The following WDR49 variants were observed in gnomAD, a reference collection of about 807,000 sequenced individuals.
WDR49 encodes WD repeat domain 49, also known as cilia- and flagella-associated protein 337.
In WDR49, 107 loss-of-function variants were observed where a neutral mutation model predicts 119.5. That is an observed-to-expected ratio of 0.90 (90% CI 0.77 to 1.05). The LOEUF (loss-of-function observed/expected upper bound fraction) is 1.05. Ranked by LOEUF, WDR49 falls within the 50% of genes least tolerant of loss-of-function variation. The pLI is 0.00. For synonymous variants in WDR49, 425 were observed against 418.8 expected, an observed-to-expected ratio of 1.01 and a Z score of -0.18; for missense variants, 1,240 against 1,220.5, an observed-to-expected ratio of 1.02 and a Z score of -0.24.
At chr3:167,494,882 A>G (rs1424212826) in intron 18 of WDR49, among the ~76,000 whole-genome samples, 2 of 152,132 alleles carry the variant, frequency 1.3e-5, no homozygotes, top group Non-Finnish European at 2.9e-5. Context: ...ACAATACCCC[A>G]CTAAAAGGAG....
intron 10 of WDR49, among the ~76,000 whole-genome samples, chr3:167,548,458 T>C (rs1227879882): frequency 1.3e-5 from 2 of 152,026 alleles, no homozygotes; most frequent in Non-Finnish European, 2.9e-5. Flanking sequence ...GTAATCACTA[T>C]ATGAGTGGAT....
intron 11 of WDR49, among the ~76,000 whole-genome samples, chr3:167,534,904 T>C (rs62277767): frequency 0.24 from 36,650 of 152,142 alleles, 4,648 homozygotes; most frequent in South Asian, 0.3. Context: ...GTTCACATTA[T>C]GAAACATCTA....
At chr3:167,491,662 G>A (rs1042353420) in intron 18 of WDR49, among the ~76,000 whole-genome samples, 1 of 152,106 alleles carries the variant, frequency 6.6e-6, no homozygotes, top group African/African-American at 2.4e-5. Context: ...TCTCCACACT[G>A]TTTCAAGTTT....
chr3:167,524,941 A>G lies in WDR49; in HGVS notation c.2605-2457T>C, dbSNP rs568482594. On this transcript the variant is annotated intron_variant, in intron 15 of 18. Transcript: ENST00000682715. ...AAAGTAGTTTTTTCCAGTTCTGTGA[A>G]GAAAGCCAATGGTAGCTTGATGGGA... Among the ~76,000 whole-genome samples the G allele has an allele frequency of 5.9e-5, 9 of 152,328 alleles. 1 individual carries two copies. In the South Asian group the frequency reaches 1.9e-3, roughly 32 times the overall value.
At chr3:167,563,360 AAAAAAAAAAAAAAAAAAG>A (rs1280887632) in intron 8 of WDR49, among the ~76,000 whole-genome samples, 1 of 145,756 alleles carries the variant, frequency 6.9e-6, no homozygotes, top group Admixed American at 6.9e-5. Flanking sequence ...AATCAAAAAA[AAAAAAAAAAAAAAAAAAG>A]AAAGAAACCT....
chr3:167,494,195 T>TTC (rs781051613), intron 18 of WDR49, among the ~76,000 whole-genome samples: 1 of 152,102 alleles, frequency 6.6e-6, no homozygotes, highest in Non-Finnish European at 1.5e-5. Flanking sequence ...TGAGACTGAA[T>TTC]AGGGTGAATA....
chr3:167,550,200 C>T (rs2108262107), intron 10 of WDR49, among the ~76,000 whole-genome samples: 1 of 152,088 alleles, frequency 6.6e-6, no homozygotes, highest in South Asian at 2.1e-4. Context: ...TCCATATGAA[C>T]TTTAAAGTAG....
At chr3:167,641,562 C>T (rs1294716311) in intron 2 of WDR49, among the ~76,000 whole-genome samples, 3 of 151,920 alleles carry the variant, frequency 2.0e-5, no homozygotes, top group Non-Finnish European at 4.4e-5. Flanking sequence ...TTTATCTAGA[C>T]CTCTCTTCTG....
chr3:167,563,233 A>T (rs1409346206), intron 8 of WDR49, among the ~76,000 whole-genome samples: 2 of 151,912 alleles, frequency 1.3e-5, no homozygotes, highest in East Asian at 1.9e-4. Context: ...GGGTGCCTGT[A>T]GTCCCAGCTA....
intron 2 of WDR49, among the ~76,000 whole-genome samples, chr3:167,631,586 C>T (rs1382526585): frequency 1.3e-5 from 2 of 152,080 alleles, no homozygotes; most frequent in Admixed American, 6.6e-5. Flanking sequence ...TTTAGCTTCA[C>T]GTTGATGGGC....
At chr3:167,600,909 G>C (rs1715738804) in intron 7 of WDR49, among the ~76,000 whole-genome samples, 1 of 152,046 alleles carries the variant, frequency 6.6e-6, no homozygotes, top group Non-Finnish European at 1.5e-5. Context: ...AGTGAAGTGG[G>C]GCTAGTAGAT....
intron 10 of WDR49, among the ~76,000 whole-genome samples, chr3:167,544,646 A>C (rs1053185193): frequency 6.6e-6 from 1 of 152,228 alleles, no homozygotes; most frequent in East Asian, 1.9e-4. Context: ...AGCCACATGT[A>C]GAATGAAGCT....
intron 5 of WDR49, among the ~76,000 whole-genome samples, chr3:167,609,361 C>T (rs1242214986): frequency 3.3e-5 from 5 of 152,112 alleles, no homozygotes; most frequent in East Asian, 1.9e-4. Context: ...CCAGCAACTG[C>T]GTGGTGCTGA....
chr3:167,485,201 G>A (rs1012630233), intron 18 of WDR49, among the ~76,000 whole-genome samples: 3 of 151,960 alleles, frequency 2.0e-5, no homozygotes, highest in Non-Finnish European at 4.4e-5. Context: ...TGGGTGGTTG[G>A]GGGGAAGGGG....
At chr3:167,607,795 ATCACT>A (rs1560310795) in intron 5 of WDR49, among the ~76,000 whole-genome samples, 1 of 152,000 alleles carries the variant, frequency 6.6e-6, no homozygotes, top group South Asian at 2.1e-4. Flanking sequence ...CCCTTTCCTG[ATCACT>A]TCACTTTTCT....
In WDR49 at chr3:167,559,536, G is replaced by GT. The variant is rs1254073872; in HGVS notation, c.1674+527dup. ...AAGAAACTTAGAAATATAAAATCAT[G>GT]TAAGTTTAGAATGGATAAGATTATG... On this transcript the variant is annotated intron_variant, in intron 9 of 18. Coordinates refer to ENST00000682715, the MANE Select transcript of WDR49 (RefSeq NM_001366157.1). Among the ~76,000 whole-genome samples, 4 of 152,188 alleles carry GT rather than the reference G, an allele frequency of 2.6e-5. No homozygotes were observed. In the East Asian group the frequency reaches 7.7e-4, roughly 29 times the overall value.
chr3:167,641,338 C>G (rs1160946117), intron 2 of WDR49, among the ~76,000 whole-genome samples: 1 of 151,910 alleles, frequency 6.6e-6, no homozygotes, highest in East Asian at 1.9e-4. Flanking sequence ...CACTTCTGAT[C>G]ACTCCTTCTC....
intron 7 of WDR49, among the ~76,000 whole-genome samples, chr3:167,601,663 C>T (rs1290788513): frequency 6.6e-6 from 1 of 152,020 alleles, no homozygotes; most frequent in Non-Finnish European, 1.5e-5. Context: ...CAGAAATGAA[C>T]TGATACATTT....
At chr3:167,608,482 C>T (rs1716170369) in intron 5 of WDR49, among the ~76,000 whole-genome samples, 5 of 152,098 alleles carry the variant, frequency 3.3e-5, no homozygotes, top group South Asian at 2.1e-4. Flanking sequence ...GGTTACAAAA[C>T]GACATTTATG....
Sources: gnomAD v4.1 joint callset for allele counts (sites outside exome capture counted in the v4.1 genomes callset) on GRCh38, gnomAD v4.1.1 for gene constraint, MANE v1.5 for transcripts, NCBI Gene and HGNC (gene_info 2026-07-23, HGNC 2026-07-21) for gene names.